Variants in ATXN1 observed in about 807,000 individuals in gnomAD.
ATXN1 encodes the protein ataxin 1, also known as ataxin-1.
Under a neutral mutation model 56.4 loss-of-function variants are expected in ATXN1, and 8 were observed. That is an observed-to-expected ratio of 0.14 (90% confidence interval 0.08 to 0.26). The LOEUF is 0.26. ATXN1 is among the 10% of genes least tolerant of loss of function. The pLI, the probability that ATXN1 is intolerant of heterozygous loss-of-function variation, is 1.00. For synonymous variants in ATXN1, 514 were observed against 494.6 expected (o/e 1.04, Z -0.52); for missense variants, 987 against 1,106.5 (o/e 0.89, Z 1.53).
chr6:16,588,617 T>A (rs1762669868), intron 3 of ATXN1, among the ~76,000 whole-genome samples: 1 of 152,206 alleles, frequency 6.6e-6, no homozygotes, highest in Non-Finnish European at 1.5e-5. Context: ...TTTTACATTT[T>A]TTGGTTGATT....
intron 4 of ATXN1, among the ~76,000 whole-genome samples, chr6:16,549,862 C>A (rs1243661469): frequency 1.4e-5 from 2 of 144,626 alleles, no homozygotes; most frequent in African/African-American, 5.2e-5. Flanking sequence ...CACCATTGCA[C>A]TCCAGCCTGG....
chr6:16,715,808 G>GT (rs1164860980), intron 2 of ATXN1, among the ~76,000 whole-genome samples: 1 of 152,126 alleles, frequency 6.6e-6, no homozygotes, highest in Non-Finnish European at 1.5e-5. Flanking sequence ...TTGAAATGCC[G>GT]TAAGTTTCCC....
At chr6:16,563,121 A>C (rs545568775) in intron 4 of ATXN1, among the ~76,000 whole-genome samples, 74 of 152,310 alleles carry the variant, frequency 4.9e-4, no homozygotes, top group African/African-American at 1.6e-3. Context: ...AAAAGAGAGT[A>C]GAAGGATTCA....
chr6:16,560,017 G>A (rs1762087644), intron 4 of ATXN1, among the ~76,000 whole-genome samples: 1 of 152,130 alleles, frequency 6.6e-6, no homozygotes. Flanking sequence ...CCAAGACCAA[G>A]TGGATAATTC....
chr6:16,672,398 C>A (rs1292681066), intron 2 of ATXN1, among the ~76,000 whole-genome samples: 1 of 152,164 alleles, frequency 6.6e-6, no homozygotes, highest in Non-Finnish European at 1.5e-5. Flanking sequence ...CTCAAGTCAG[C>A]AAAATGTGGC....
chr6:16,428,007 T>C (rs1224164508), intron 6 of ATXN1, among the ~76,000 whole-genome samples: 1 of 152,192 alleles, frequency 6.6e-6, no homozygotes, highest in Non-Finnish European at 1.5e-5. Flanking sequence ...TGTTGATAAA[T>C]GTACCTGATA....
intron 6 of ATXN1, among the ~76,000 whole-genome samples, chr6:16,469,620 G>A (rs1235015443): frequency 6.6e-6 from 1 of 152,136 alleles, no homozygotes; most frequent in Non-Finnish European, 1.5e-5. Context: ...GTTCAAAGTG[G>A]GTAGATGCAA....
At chr6:16,566,677 C>T (rs1762226988) in intron 4 of ATXN1, among the ~76,000 whole-genome samples, 1 of 151,952 alleles carries the variant, frequency 6.6e-6, no homozygotes, top group Non-Finnish European at 1.5e-5. Flanking sequence ...CACTGTGAAA[C>T]CCCGTCTCTA....
chr6:16,557,326 C>CAAA (rs10551173), intron 4 of ATXN1, among the ~76,000 whole-genome samples: 3 of 87,742 alleles, frequency 3.4e-5, no homozygotes, highest in East Asian at 3.3e-4. Context: ...AACCCCATTT[C>CAAA]AAAAAAAAAA....
chr6:16,364,016 G>T (rs972353648), intron 6 of ATXN1, among the ~76,000 whole-genome samples: 1 of 152,188 alleles, frequency 6.6e-6, no homozygotes, highest in African/African-American at 2.4e-5. Flanking sequence ...ATGAGACAAG[G>T]TATTTTGGCA....
At chr6:16,462,207 C>A (rs543028950) in intron 6 of ATXN1, among the ~76,000 whole-genome samples, 1 of 152,132 alleles carries the variant, frequency 6.6e-6, no homozygotes, top group Non-Finnish European at 1.5e-5. Flanking sequence ...ATCCTCTCTA[C>A]CCCCACTGCA....
intron 6 of ATXN1, among the ~76,000 whole-genome samples, chr6:16,453,325 G>C (rs537432206): frequency 6.6e-6 from 1 of 152,280 alleles, no homozygotes; most frequent in South Asian, 2.1e-4. Context: ...GCTGGGCGTA[G>C]TGGCAGGTGC....
chr6:16,761,178 G>T lies in ATXN1; in HGVS notation c.-730+120C>A, dbSNP rs1326329943. On this transcript the variant is annotated intron_variant, in intron 1 of 7. Transcript: ENST00000436367. ...GATTGGGGTTTTGGGTTTGTTTGCT[G>T]GTTGTTGCTTTTGCCCCTCTCGGGA... is the stretch of plus-strand genomic sequence containing the variant. The T allele has an allele frequency of 1.4e-5, 5 of 366,910 alleles. No homozygotes were observed. The East Asian group carries it at 3.6e-4, about 27-fold the overall frequency. The allele number at this position is 366,910 out of a possible 1,614,324, so 22.7% of individuals were successfully genotyped here.
At chr6:16,695,975 A>G (rs1262924830) in intron 2 of ATXN1, among the ~76,000 whole-genome samples, 2 of 152,044 alleles carry the variant, frequency 1.3e-5, no homozygotes, top group South Asian at 2.1e-4. Flanking sequence ...CTCTCTATAT[A>G]TACAAATAAA....
intron 2 of ATXN1, among the ~76,000 whole-genome samples, chr6:16,691,715 A>T (rs903999776): frequency 1.3e-5 from 2 of 152,214 alleles, no homozygotes; most frequent in African/African-American, 4.8e-5. Flanking sequence ...AAATAAATGG[A>T]AGCTCTAGGC....
At chr6:16,751,067 C>T (rs1223115175) in intron 2 of ATXN1, among the ~76,000 whole-genome samples, 1 of 150,106 alleles carries the variant, frequency 6.7e-6, no homozygotes, top group Non-Finnish European at 1.5e-5. Context: ...CTCCAGGATT[C>T]AAGCGATTCT....
At chr6:16,643,568 G>A (rs2113823168) in intron 3 of ATXN1, among the ~76,000 whole-genome samples, 1 of 144,998 alleles carries the variant, frequency 6.9e-6, no homozygotes, top group African/African-American at 2.6e-5. Flanking sequence ...GGTCGAGGCT[G>A]CAGTGAGCTG....
chr6:16,533,540 T>G (rs1212040368), intron 4 of ATXN1, among the ~76,000 whole-genome samples: 3 of 152,142 alleles, frequency 2.0e-5, no homozygotes, highest in Non-Finnish European at 4.4e-5. Flanking sequence ...GAGACCCAAT[T>G]TGGCAGTGGA....
At position 16,327,837 on chromosome 6, in the gene ATXN1, T is replaced by C. The variant is rs2072736; in HGVS notation, c.474A>G (p.Ala158=). ...IPPTANPVTS[A]VASAAGATTP... is the part of the protein sequence containing the mutation. ...TGGTGGCCCCTGCGGCCGAGGCCAC[T>C]GCACTGGTGACGGGGTTGGCGGTTG... Residue 158 remains alanine, a synonymous_variant, in exon 7 of 8, where the codon GCA becomes GCG. Transcript: ENST00000436367. 121,105 of 1,608,490 alleles carry C rather than the reference T, an allele frequency of 0.075. 9,724 individuals are homozygous for C. The highest frequency in any genetic ancestry group is 0.38 in the East Asian group (17,104 of 44,828).
Sources: gnomAD v4.1 joint callset for allele counts (sites outside exome capture counted in the v4.1 genomes callset) on GRCh38, gnomAD v4.1.1 for gene constraint, MANE v1.5 for transcripts, NCBI Gene and HGNC (gene_info 2026-07-23, HGNC 2026-07-21) for gene names.